The following KDM6A variants were observed in gnomAD, a reference collection of about 807,000 sequenced individuals.
The protein encoded by KDM6A is lysine-specific demethylase 6A.
Under a neutral mutation model 117.6 loss-of-function variants are expected in KDM6A, and 11 were observed. The ratio of observed to expected loss-of-function variants is 0.09; its 90% CI spans 0.06 to 0.15. The LOEUF is 0.15. KDM6A is among the 10% of genes least tolerant of loss of function. The pLI, the probability that KDM6A is intolerant of heterozygous loss-of-function variation, is 1.00. For synonymous variants in KDM6A, 384 were observed against 396.1 expected (o/e 0.97, Z 0.36); for missense variants, 799 against 1,077.3 (o/e 0.74, Z 3.62).
At chrX:45,104,453 CTT>C (rs1268471088) in intron 27 of KDM6A, among the ~76,000 whole-genome samples, 1 of 112,425 alleles carries the variant, frequency 8.9e-6, no homozygotes, top group Admixed American at 9.4e-5. Flanking sequence ...TAAATGTTGT[CTT>C]TGTATAAAAT....
chrX:44,990,518 C>T (rs953142081), intron 4 of KDM6A, among the ~76,000 whole-genome samples: 1 of 107,394 alleles, frequency 9.3e-6, no homozygotes, highest in African/African-American at 3.4e-5. Context: ...CCGTTGCACT[C>T]CAGCTTGGGC....
intron 2 of KDM6A, among the ~76,000 whole-genome samples, chrX:44,921,379 C>T (rs2035926827): frequency 9.0e-6 from 1 of 111,433 alleles, no homozygotes; most frequent in Non-Finnish European, 1.9e-5. Flanking sequence ...TATGTATGTA[C>T]TTATTTGTGC....
intron 2 of KDM6A, among the ~76,000 whole-genome samples, chrX:44,885,808 T>G (rs1226502385): frequency 1.8e-5 from 2 of 109,276 alleles, no homozygotes; most frequent in Non-Finnish European, 3.8e-5. Flanking sequence ...GAGGCAGAGT[T>G]GCAGTGAGCT....
intron 4 of KDM6A, among the ~76,000 whole-genome samples, chrX:44,987,192 G>C (rs962692141): frequency 9.0e-6 from 1 of 111,385 alleles, no homozygotes; most frequent in South Asian, 3.8e-4. Flanking sequence ...GATCTTTGTT[G>C]GTTTAAAGTC....
At chrX:44,953,861 C>T (rs925870027) in intron 2 of KDM6A, among the ~76,000 whole-genome samples, 9 of 110,501 alleles carry the variant, frequency 8.1e-5, no homozygotes, top group South Asian at 3.8e-4. Flanking sequence ...GTTTGAGACC[C>T]GCCTGGCCAG....
At chrX:45,083,669 T>C in intron 24 of KDM6A, 61 bp downstream of exon 24, 1 of 992,196 alleles carries the variant, frequency 1.0e-6, no homozygotes, top group Non-Finnish European at 1.4e-6. Context: ...ATATGAAACA[T>C]GCAAAGACAG....
chrX:45,104,927 A>G (rs1378633914), intron 27 of KDM6A, among the ~76,000 whole-genome samples: 1 of 111,944 alleles, frequency 8.9e-6, no homozygotes, highest in Non-Finnish European at 1.9e-5. Context: ...GGAAATCAGT[A>G]TACTGCCTTT....
Position 45,070,263 on chromosome X carries a change from C to G in KDM6A, c.2764C>G (p.Leu922Val), listed in dbSNP as rs200209892. ...ATCTCAGAGCCCCATGAAAACAGAT[C>G]TGCTTCTGGTTAACCACAAACCTAG... ...EESQSPMKTD[L>V]LLVNHKPSPQ... The change falls in exon 18 of 30, where the codon CTG becomes GTG. Residue 922 changes from leucine to valine, a missense_variant. Leu to Val is a conservative substitution (Grantham distance 32, BLOSUM62 1). This residue lies in a region of KDM6A where 291 missense variants were observed against 437.9 expected (regional missense o/e 0.66). Coordinates refer to ENST00000611820, the MANE Select transcript of KDM6A (RefSeq NM_001291415.2). 9 of 1,207,983 alleles carry G rather than the reference C, an allele frequency of 7.5e-6. No individual in the cohort carries two copies. The highest frequency in any genetic ancestry group is 1.0e-5 in the Non-Finnish European group (9 of 893,433).
intron 6 of KDM6A, among the ~76,000 whole-genome samples, chrX:45,027,682 C>G (rs1225229119): frequency 2.7e-5 from 3 of 111,372 alleles, no homozygotes; most frequent in Non-Finnish European, 5.6e-5. Context: ...GAAAGAAATT[C>G]TTCAAGAAAG....
intron 18 of KDM6A, among the ~76,000 whole-genome samples, chrX:45,074,769 T>A (rs2148084685): frequency 8.9e-6 from 1 of 112,481 alleles, no homozygotes; most frequent in South Asian, 3.7e-4. Context: ...GTGATTGAAT[T>A]GTTGTCAGCT....
intron 2 of KDM6A, among the ~76,000 whole-genome samples, chrX:44,938,812 T>A (rs1261597185): frequency 8.9e-6 from 1 of 112,478 alleles, no homozygotes; most frequent in Non-Finnish European, 1.9e-5. Context: ...ATTGCTCATT[T>A]ACCATTCAGA....
At chrX:45,091,989 C>G (rs1751587410) in intron 27 of KDM6A, among the ~76,000 whole-genome samples, 1 of 110,972 alleles carries the variant, frequency 9.0e-6, no homozygotes, top group South Asian at 3.8e-4. Flanking sequence ...CACCATTTTA[C>G]CTAGTTATAG....
intron 2 of KDM6A, among the ~76,000 whole-genome samples, chrX:44,941,671 A>G (rs967748859): frequency 3.7e-5 from 4 of 109,088 alleles, no homozygotes; most frequent in Non-Finnish European, 7.6e-5. Context: ...TTTAGTAGAG[A>G]TGGGGTTTCA....
intron 4 of KDM6A, among the ~76,000 whole-genome samples, chrX:44,990,159 C>T (rs754655819): frequency 3.3e-4 from 37 of 112,001 alleles, no homozygotes; most frequent in Non-Finnish European, 6.4e-4. Flanking sequence ...TTGTGAAATA[C>T]GATAGTGCTG....
chrX:44,992,915 A>G (rs1315720997), intron 4 of KDM6A, among the ~76,000 whole-genome samples: 2 of 112,028 alleles, frequency 1.8e-5, no homozygotes, highest in Non-Finnish European at 3.8e-5. Context: ...GCTGGGTGGT[A>G]GTCATGATAT....
At chrX:44,993,128 G>C (rs1156614466) in intron 4 of KDM6A, among the ~76,000 whole-genome samples, 4 of 111,668 alleles carry the variant, frequency 3.6e-5, no homozygotes, top group Non-Finnish European at 7.5e-5. Context: ...CAGAAATGGG[G>C]TTTGTAGACA....
chrX:44,992,741 T>C (rs2040680184), intron 4 of KDM6A, among the ~76,000 whole-genome samples: 1 of 105,088 alleles, frequency 9.5e-6, no homozygotes, highest in Non-Finnish European at 2.0e-5. Flanking sequence ...AGAGATGGGG[T>C]TTCACCATGT....
At chrX:45,015,852 G>A (rs1353932088) in intron 5 of KDM6A, among the ~76,000 whole-genome samples, 1 of 111,804 alleles carries the variant, frequency 8.9e-6, no homozygotes, top group Non-Finnish European at 1.9e-5. Flanking sequence ...GATTAATTAG[G>A]CTTCAGGGAA....
At chrX:44,931,436 A>T (rs2036621445) in intron 2 of KDM6A, among the ~76,000 whole-genome samples, 1 of 112,139 alleles carries the variant, frequency 8.9e-6, no homozygotes, top group African/African-American at 3.2e-5. Flanking sequence ...TATTCAAAAC[A>T]GCCAAGAGAT....
Sources: allele counts gnomAD v4.1 joint callset (sites outside exome capture counted in the v4.1 genomes callset), GRCh38; gene constraint gnomAD v4.1.1; regional missense constraint gnomAD v4.1.1; transcripts MANE v1.5; gene names NCBI Gene and HGNC (gene_info 2026-07-23, HGNC 2026-07-21).